Variants in PREX2 observed in about 807,000 individuals in gnomAD.
The protein encoded by PREX2 is phosphatidylinositol 3,4,5-trisphosphate-dependent Rac exchanger 2 protein.
A neutral mutation model predicts 203.2 loss-of-function variants in PREX2; 107 were observed. The ratio of observed to expected loss-of-function variants is 0.53; its 90% CI spans 0.45 to 0.62. The LOEUF is 0.62. Ranked by LOEUF, PREX2 falls within the 20% of genes least tolerant of loss-of-function variation. The pLI is 0.00. For synonymous variants in PREX2, 672 were observed against 663.6 expected (o/e 1.01, Z -0.19); for missense variants, 1,777 against 1,955.9 (o/e 0.91, Z 1.72).
intron 18 of PREX2, 30 bp downstream of exon 18, chr8:68,083,418 TAA>T: frequency 1.3e-6 from 2 of 1,527,836 alleles, no homozygotes. Context: ...TGTGATTTTT[TAA>T]AAGTTATACA....
chr8:68,167,257 GA>G (rs760364150), intron 35 of PREX2, among the ~76,000 whole-genome samples: 17 of 151,806 alleles, frequency 1.1e-4, no homozygotes, highest in Non-Finnish European at 2.2e-4. Context: ...TGGCAGTTGG[GA>G]TCTTTCATGA....
intron 3 of PREX2, among the ~76,000 whole-genome samples, chr8:68,020,841 G>T (rs1654975992): frequency 6.6e-6 from 1 of 152,148 alleles, no homozygotes; most frequent in African/African-American, 2.4e-5. Context: ...AACACCTTAT[G>T]AATCTGTCAT....
At chr8:68,124,697 T>C (rs1374269058) in intron 30 of PREX2, among the ~76,000 whole-genome samples, 1 of 152,152 alleles carries the variant, frequency 6.6e-6, no homozygotes, top group East Asian at 1.9e-4. Context: ...CAAAAAGTAC[T>C]CATTTTAAGA....
chr8:68,077,187 A>C (rs1292377003), intron 14 of PREX2, among the ~76,000 whole-genome samples: 3 of 152,246 alleles, frequency 2.0e-5, no homozygotes, highest in Non-Finnish European at 4.4e-5. Context: ...AAGAAATATT[A>C]AATCTTTGTT....
chr8:68,013,492 C>A (rs1807325021), intron 1 of PREX2, among the ~76,000 whole-genome samples: 1 of 152,184 alleles, frequency 6.6e-6, no homozygotes, highest in Non-Finnish European at 1.5e-5. Context: ...ACCCCAAAAC[C>A]TTCTTCACTT....
intron 1 of PREX2, among the ~76,000 whole-genome samples, chr8:67,992,196 A>T (rs920270432): frequency 1.3e-5 from 2 of 152,090 alleles, no homozygotes. Flanking sequence ...CTGGAATGCC[A>T]TATTGGTCTT....
intron 1 of PREX2, among the ~76,000 whole-genome samples, chr8:67,989,889 G>T (rs1473158404): frequency 1.3e-5 from 2 of 152,102 alleles, no homozygotes; most frequent in East Asian, 3.8e-4. Flanking sequence ...CAAAATGCAG[G>T]CATGTTTACA....
intron 23 of PREX2, chr8:68,106,084 T>G (rs905331287): frequency 3.6e-6 from 1 of 280,266 alleles, no homozygotes; most frequent in Admixed American, 5.5e-5. Context: ...ATCTCCAGCA[T>G]TGAGCACAGA....
chr8:68,053,076 C>T, intron 8 of PREX2, 21 bp from the exon 9 acceptor site: 1 of 1,605,618 alleles, frequency 6.2e-7, no homozygotes, highest in Non-Finnish European at 8.5e-7. Flanking sequence ...TGTTCATTTG[C>T]CTTTACCCAT....
intron 8 of PREX2, among the ~76,000 whole-genome samples, chr8:68,048,393 C>T (rs1363823691): frequency 6.6e-6 from 1 of 151,926 alleles, no homozygotes; most frequent in Admixed American, 6.6e-5. Context: ...AGAATGTTGA[C>T]CTTTAGAAAA....
At chr8:68,146,408 T>C in intron 34 of PREX2, 56 bp downstream of exon 34, 1 of 1,366,914 alleles carries the variant, frequency 7.3e-7, no homozygotes, top group Admixed American at 2.3e-5. Context: ...TCTTTATTAA[T>C]GCTTTTATAA....
At chr8:68,141,490 A>G (rs1811229317) in intron 33 of PREX2, among the ~76,000 whole-genome samples, 1 of 152,362 alleles carries the variant, frequency 6.6e-6, no homozygotes, top group African/African-American at 2.4e-5. Flanking sequence ...ACAATCAATA[A>G]GAAATCAATA....
At chr8:68,177,823 C>T (rs915669401) in intron 35 of PREX2, among the ~76,000 whole-genome samples, 9 of 151,930 alleles carry the variant, frequency 5.9e-5, no homozygotes, top group Admixed American at 2.6e-4. Context: ...GTGTGTTGTT[C>T]CCCCCACCCC....
At chr8:68,039,348 T>C (rs1808127393) in intron 7 of PREX2, among the ~76,000 whole-genome samples, 1 of 152,160 alleles carries the variant, frequency 6.6e-6, no homozygotes, top group Non-Finnish European at 1.5e-5. Flanking sequence ...TAGCAGCCTG[T>C]AACTTAGCTG....
At chr8:67,989,447 T>C (rs898524271) in intron 1 of PREX2, among the ~76,000 whole-genome samples, 7 of 152,226 alleles carry the variant, frequency 4.6e-5, no homozygotes, top group African/African-American at 1.7e-4. Flanking sequence ...ATTTATCTTC[T>C]CAACATTGAA....
intron 35 of PREX2, among the ~76,000 whole-genome samples, chr8:68,186,295 A>G (rs1376582516): frequency 1.3e-5 from 2 of 152,192 alleles, no homozygotes; most frequent in African/African-American, 4.8e-5. Flanking sequence ...TCATCCATGC[A>G]TAGATATGCT....
chr8:68,025,550 T>A (rs886165608), intron 4 of PREX2, among the ~76,000 whole-genome samples: 1 of 151,812 alleles, frequency 6.6e-6, no homozygotes, highest in Non-Finnish European at 1.5e-5. Flanking sequence ...TTTCATCAAA[T>A]CTGGGAAGTT....
At chr8:68,017,721 A>G (rs1183201822) in intron 1 of PREX2, 125 bp from the exon 2 acceptor site, 2 of 724,746 alleles carry the variant, frequency 2.8e-6, no homozygotes, top group Admixed American at 2.3e-5. Flanking sequence ...CAACAAAACT[A>G]TTATACTCAA....
At chr8:68,213,859 T>G (rs561787476) in intron 37 of PREX2, among the ~76,000 whole-genome samples, 1 of 152,312 alleles carries the variant, frequency 6.6e-6, no homozygotes, top group African/African-American at 2.4e-5. Flanking sequence ...ACAAATTTTC[T>G]TCATTGCCTA....
Sources: gnomAD v4.1 joint callset for allele counts (sites outside exome capture counted in the v4.1 genomes callset) on GRCh38, gnomAD v4.1.1 for gene constraint, MANE v1.5 for transcripts, NCBI Gene and HGNC (gene_info 2026-07-23, HGNC 2026-07-21) for gene names.